The following APLF variants were observed in gnomAD, a reference collection of about 807,000 sequenced individuals.
The protein encoded by APLF is aprataxin and PNKP like factor.
APLF carries 61 observed loss-of-function variants against 55.6 expected under a neutral mutation model. The ratio of observed to expected loss-of-function variants is 1.10; its 90% CI spans 0.89 to 1.36. The LOEUF (loss-of-function observed/expected upper bound fraction) is 1.36. Ranked by LOEUF, APLF falls within the 40% of genes most tolerant of loss-of-function variation. The pLI is 0.00. For missense variants in APLF, 611 were observed against 602.5 expected, an observed-to-expected ratio of 1.01 and a Z score of -0.15; for synonymous variants, 207 against 214.8, an observed-to-expected ratio of 0.96 and a Z score of 0.32.
chr2:68,478,159 A>G (rs910840761), intron 1 of APLF, among the ~76,000 whole-genome samples: 5 of 152,098 alleles, frequency 3.3e-5, no homozygotes, highest in African/African-American at 1.2e-4. Context: ...GAGAAAAATA[A>G]TGGCAGAAAA....
At chr2:68,517,661 TAAC>T (rs201926054) in intron 5 of APLF, among the ~76,000 whole-genome samples, 1,991 of 145,160 alleles carry the variant, frequency 0.014, 33 homozygotes, top group African/African-American at 0.046. Flanking sequence ...GTTATTAACG[TAAC>T]AATAATATAT....
intron 3 of APLF, among the ~76,000 whole-genome samples, chr2:68,509,358 C>T (rs918211638): frequency 6.6e-6 from 1 of 152,068 alleles, no homozygotes; most frequent in Admixed American, 6.6e-5. Flanking sequence ...CTACAAAGAA[C>T]TCAATCAAAT....
chr2:68,519,014 AATAATAT>A (rs1225087380), intron 5 of APLF, among the ~76,000 whole-genome samples: 5 of 124,518 alleles, frequency 4.0e-5, no homozygotes, highest in African/African-American at 1.6e-4. Flanking sequence ...ATTAATATAT[AATAATAT>A]ATAATATATG....
At chr2:68,550,241 A>AT (rs949686393) in intron 8 of APLF, among the ~76,000 whole-genome samples, 14 of 151,516 alleles carry the variant, frequency 9.2e-5, no homozygotes, top group Non-Finnish European at 1.8e-4. Flanking sequence ...GTCCATTTAC[A>AT]TTTTTTTTGA....
rs779201214 is a variant in APLF, at chr2:68,538,151, A to G, written c.1084A>G (p.Thr362Ala). 30 of 1,614,006 alleles carry G rather than the reference A, an allele frequency of 1.9e-5. No individual in the cohort carries two copies. In the East Asian group the frequency reaches 5.6e-4, roughly 30 times the overall value. The change falls in exon 7 of 10, where the codon ACT (threonine) becomes GCT (alanine). Residue 362 changes from threonine to alanine, a missense_variant. Thr to Ala is a moderately conservative substitution (Grantham distance 58). Coordinates refer to ENST00000303795, the MANE Select transcript of APLF (RefSeq NM_173545.3). ...TCCTGAAACTTTGCATGCAAAGGCAACTGATTCAGTTCTACAAGGTTCTGA... is the reference window on the plus strand; with the variant it reads ...TCCTGAAACTTTGCATGCAAAGGCAGCTGATTCAGTTCTACAAGGTTCTGA... The part of the protein sequence containing the change: ...SNPETLHAKA[T>A]DSVLQGSEGN...
chr2:68,476,425 A>G (rs1430813869), intron 1 of APLF, among the ~76,000 whole-genome samples: 2 of 149,398 alleles, frequency 1.3e-5, no homozygotes, highest in South Asian at 2.2e-4. Context: ...AGAGATTGCA[A>G]TGAGCTGAGA....
At chr2:68,476,383 G>A (rs569796431) in intron 1 of APLF, among the ~76,000 whole-genome samples, 5 of 151,314 alleles carry the variant, frequency 3.3e-5, no homozygotes, top group East Asian at 1.9e-4. Flanking sequence ...CTTGGGAGGC[G>A]GAGGCAGGAA....
intron 1 of APLF, among the ~76,000 whole-genome samples, chr2:68,468,989 G>GGGTGT (rs571326050): frequency 6.8e-6 from 1 of 146,662 alleles, no homozygotes; most frequent in Admixed American, 6.8e-5. Context: ...GTCCTAAAGG[G>GGGTGT]GTGTGTGTGT....
chr2:68,569,925 A>G (rs1414969922), intron 9 of APLF, among the ~76,000 whole-genome samples: 1 of 152,152 alleles, frequency 6.6e-6, no homozygotes, highest in East Asian at 1.9e-4. Flanking sequence ...TTTTGCTTTC[A>G]TTTAAACATG....
chr2:68,498,184 T>G (rs986538559), intron 2 of APLF, among the ~76,000 whole-genome samples: 1 of 152,204 alleles, frequency 6.6e-6, no homozygotes, highest in African/African-American at 2.4e-5. Flanking sequence ...TATCACTTAT[T>G]CTCTGTTCCC....
chr2:68,544,559 C>A (rs1266335334), intron 7 of APLF, among the ~76,000 whole-genome samples: 2 of 152,070 alleles, frequency 1.3e-5, no homozygotes, highest in African/African-American at 2.4e-5. Context: ...TATTATTGTT[C>A]TATTTAAGTC....
rs1172375231 is a variant in APLF at position 68,529,092 on chromosome 2, G to A, written c.804+2850G>A. The A allele has an allele frequency of 4.3e-6, 6 of 1,389,316 alleles. No homozygotes were observed. Among genetic ancestry groups the A allele is most frequent in the African/African-American group, 1.4e-5 (1 of 70,052 alleles). The allele number at this position is 1,389,316 out of a possible 1,614,324, so 86.1% of individuals were successfully genotyped here. A position where few individuals can be genotyped will look rare whatever the true frequency, so the allele number is the denominator to read the frequency against. On this transcript the variant is annotated intron_variant, in intron 6 of 9. Transcript: ENST00000303795. The surrounding 1 kb of genome is among the most constrained non-coding windows in gnomAD (Gnocchi z 4.4). Reference sequence around the variant, plus strand: ...TGAAGGTTAAACTTGCCTCTGAGACGAGGGATCCTCACGGGGCTGAGGTAT... The same window carrying A: ...TGAAGGTTAAACTTGCCTCTGAGACAAGGGATCCTCACGGGGCTGAGGTAT...
intron 8 of APLF, among the ~76,000 whole-genome samples, chr2:68,552,700 A>G (rs1160654066): frequency 6.6e-6 from 1 of 152,178 alleles, no homozygotes; most frequent in Non-Finnish European, 1.5e-5. Context: ...TTAGGATAGT[A>G]ATGTCAAAAA....
At chr2:68,536,438 T>C (rs966693700) in intron 6 of APLF, among the ~76,000 whole-genome samples, 6 of 152,192 alleles carry the variant, frequency 3.9e-5, no homozygotes, top group African/African-American at 1.4e-4. Context: ...GCATCCAGCA[T>C]ACATGAGTCT....
chr2:68,534,813 T>A (rs1670343964), intron 6 of APLF, among the ~76,000 whole-genome samples: 1 of 152,204 alleles, frequency 6.6e-6, no homozygotes, highest in Admixed American at 6.5e-5. Context: ...AACTTCCATG[T>A]TTCCTGTTCC....
At chr2:68,490,355 G>C in intron 2 of APLF, 94 bp downstream of exon 2, 1 of 956,846 alleles carries the variant, frequency 1.0e-6, no homozygotes, top group Non-Finnish European at 1.5e-6. Flanking sequence ...ATGGGAATAG[G>C]GAATTAATGT....
At chr2:68,471,436 A>G (rs1432028859) in intron 1 of APLF, among the ~76,000 whole-genome samples, 4 of 152,224 alleles carry the variant, frequency 2.6e-5, no homozygotes, top group Admixed American at 2.0e-4. Flanking sequence ...TTTGCTCTCA[A>G]GAAACTTATA....
chr2:68,538,390 A>C (rs1670457857), intron 7 of APLF, among the ~76,000 whole-genome samples, 163 bp downstream of exon 7: 1 of 152,176 alleles, frequency 6.6e-6, no homozygotes, highest in Non-Finnish European at 1.5e-5. Flanking sequence ...TATTTTCTAG[A>C]AAATCCTTTT....
intron 5 of APLF, among the ~76,000 whole-genome samples, chr2:68,522,026 C>G (rs183322192): frequency 7.6e-4 from 116 of 151,902 alleles, no homozygotes; most frequent in African/African-American, 2.8e-3. Context: ...ATCATGTTAT[C>G]TATAGAATTA....
Sources: allele counts gnomAD v4.1 joint callset (sites outside exome capture counted in the v4.1 genomes callset), GRCh38; gene constraint gnomAD v4.1.1; non-coding constraint Gnocchi (gnomAD v3.1); transcripts MANE v1.5; gene names NCBI Gene and HGNC (gene_info 2026-07-23, HGNC 2026-07-21).